The following PPP4R4 variants were observed in gnomAD, a reference collection of about 807,000 sequenced individuals.
PPP4R4 encodes serine/threonine-protein phosphatase 4 regulatory subunit 4.
In PPP4R4, 70 loss-of-function variants were observed where a neutral mutation model predicts 121.8. The ratio of observed to expected loss-of-function variants is 0.57; its 90% CI spans 0.47 to 0.70. The LOEUF (loss-of-function observed/expected upper bound fraction) is 0.70. Ranked by LOEUF, PPP4R4 falls within the 30% of genes least tolerant of loss-of-function variation. PPP4R4 has a pLI of 0.00. For synonymous variants in PPP4R4, 348 were observed against 355.7 expected (o/e 0.98, Z 0.24); for missense variants, 875 against 1,033.6 (o/e 0.85, Z 2.10).
rs1461765257 is a variant in PPP4R4, at chr14:94,191,392, T to C, written c.191+15265T>C. Among the ~76,000 whole-genome samples, 3 of 152,306 alleles carry C rather than the reference T, an allele frequency of 2.0e-5. No homozygotes were observed. The East Asian group carries it at 5.8e-4, about 29-fold the overall frequency. ...AGTTGACATGTAGTAATTGTATGTA[T>C]TTATGGGATACAGAGCATATTTCAA... On this transcript the variant is annotated intron_variant, in intron 2 of 24. Coordinates refer to ENST00000304338, the MANE Select transcript of PPP4R4 (RefSeq NM_058237.2).
chr14:94,188,721 T>A (rs1889430103), intron 2 of PPP4R4, among the ~76,000 whole-genome samples: 1 of 152,166 alleles, frequency 6.6e-6, no homozygotes, highest in Non-Finnish European at 1.5e-5. Flanking sequence ...AGAGAGTAGA[T>A]CTTAAGTATT....
intron 16 of PPP4R4, among the ~76,000 whole-genome samples, chr14:94,254,124 G>A (rs1893335597): frequency 6.6e-6 from 1 of 152,184 alleles, no homozygotes; most frequent in Non-Finnish European, 1.5e-5. Context: ...TCTGAAAGGT[G>A]TGGTCCCTAA....
intron 2 of PPP4R4, among the ~76,000 whole-genome samples, chr14:94,187,900 CA>C (rs886837152): frequency 1.3e-5 from 2 of 152,030 alleles, no homozygotes; most frequent in African/African-American, 4.8e-5. Context: ...TTCATCATAT[CA>C]GGGGGTTCAT....
chr14:94,236,297 A>G (rs566809103), intron 7 of PPP4R4, among the ~76,000 whole-genome samples: 4 of 152,352 alleles, frequency 2.6e-5, no homozygotes, highest in Middle Eastern at 3.4e-3. Context: ...AACTTTTACT[A>G]TAGAGATGAA....
chr14:94,278,787 T>G lies in PPP4R4; in HGVS notation c.*144T>G, dbSNP rs1393153496. ...TTGTTAATGAGCAGAAAGAGAGACA[T>G]AATGACAGCTGATGTTAAACTTTTC... On this transcript the variant is annotated 3_prime_UTR_variant, in exon 25 of 25. Coordinates refer to ENST00000304338, the MANE Select transcript of PPP4R4 (RefSeq NM_058237.2). 4 of 642,206 alleles carry G rather than the reference T, an allele frequency of 6.2e-6. No individual in the cohort carries two copies. In the African/African-American group the frequency reaches 7.5e-5, roughly 12 times the overall value. The allele number at this position is 642,206 out of a possible 1,614,324, so 39.8% of individuals were successfully genotyped here.
intron 19 of PPP4R4, among the ~76,000 whole-genome samples, chr14:94,262,557 C>A (rs898716267): frequency 6.6e-6 from 1 of 151,982 alleles, no homozygotes; most frequent in Non-Finnish European, 1.5e-5. Flanking sequence ...CTCCTCCACA[C>A]CCATTCTTCA....
intron 17 of PPP4R4, 78 bp downstream of exon 17, chr14:94,256,682 A>AT (rs1893489004): frequency 7.6e-7 from 1 of 1,321,836 alleles, no homozygotes; most frequent in Non-Finnish European, 1.0e-6. Context: ...TTTCAGCTTG[A>AT]CAGGATAGCA....
intron 2 of PPP4R4, among the ~76,000 whole-genome samples, chr14:94,185,369 A>G (rs945165739): frequency 6.6e-6 from 1 of 152,136 alleles, no homozygotes; most frequent in African/African-American, 2.4e-5. Context: ...TTATCCAGGA[A>G]TGGTGGCTTG....
intron 23 of PPP4R4, among the ~76,000 whole-genome samples, chr14:94,272,958 T>C (rs1894418729): frequency 6.6e-6 from 1 of 152,196 alleles, no homozygotes; most frequent in African/African-American, 2.4e-5. Context: ...GACACACCTA[T>C]TAGAATGGTC....
Position 94,174,470 on chromosome 14 carries a change from A to C in PPP4R4, c.5A>C (p.His2Pro). 6.2e-7 allele frequency: 1 copy of C among 1,602,028 alleles called. No individual in the cohort carries two copies. The highest frequency in any genetic ancestry group is 8.5e-7 in the Non-Finnish European group (1 of 1,175,518). MHPPPPAAAMDF... is the reference protein window; with the variant it reads MPPPPPAAAMDF... Reference sequence around the variant, plus strand: ...GGCGAGAGTGCCCGGCGGTCCATGCATCCGCCGCCGCCCGCCGCCGCGATG... The same window carrying C: ...GGCGAGAGTGCCCGGCGGTCCATGCCTCCGCCGCCGCCCGCCGCCGCGATG... Residue 2 changes from histidine (H) to proline (P), a missense_variant, in exon 1 of 25, where the codon CAT (histidine) becomes CCT (proline). His to Pro is a moderately conservative substitution (Grantham distance 77, BLOSUM62 -2). Transcript: ENST00000304338.
intron 2 of PPP4R4, among the ~76,000 whole-genome samples, chr14:94,180,994 A>G (rs1404462269): frequency 6.6e-6 from 1 of 152,164 alleles, no homozygotes. Flanking sequence ...TGAGACAGTA[A>G]GGAAGAACTC....
At chr14:94,240,572 A>G (rs187535394) in intron 8 of PPP4R4, 101 bp from the exon 9 acceptor site, 2 of 1,286,994 alleles carry the variant, frequency 1.6e-6, no homozygotes, top group Admixed American at 2.8e-5. Flanking sequence ...TGAGGCTAAC[A>G]TAGTAATTTT....
intron 2 of PPP4R4, among the ~76,000 whole-genome samples, chr14:94,193,208 A>G (rs779892229): frequency 6.6e-6 from 1 of 152,110 alleles, no homozygotes; most frequent in African/African-American, 2.4e-5. Context: ...GCAAAGTTAC[A>G]CAGTTTTCTC....
chr14:94,256,249 G>A (rs776113503), intron 16 of PPP4R4, among the ~76,000 whole-genome samples: 1 of 152,136 alleles, frequency 6.6e-6, no homozygotes, highest in Non-Finnish European at 1.5e-5. Flanking sequence ...TAGAATGTAA[G>A]TTCCAGGAGA....
rs193287033 is a variant in PPP4R4 at position 94,235,485 on chromosome 14, C to T, written c.731+816C>T. Among the ~76,000 whole-genome samples the T allele has an allele frequency of 4.0e-3, 597 of 149,744 alleles. 5 individuals are homozygous for T. Among genetic ancestry groups the T allele is most frequent in the African/African-American group, 0.014 (581 of 40,510 alleles). On this transcript the variant is annotated intron_variant, in intron 7 of 24. Transcript: ENST00000304338. ...CGCGATCTCGGCTCACTGCAAGCTC[C>T]GCCTCCCAGGTTCATGCCATTCTCC...
At chr14:94,183,742 C>T (rs1421433490) in intron 2 of PPP4R4, among the ~76,000 whole-genome samples, 8 of 151,980 alleles carry the variant, frequency 5.3e-5, no homozygotes, top group East Asian at 3.9e-4. Flanking sequence ...CCTCTGAAAG[C>T]GTAATAACAT....
chr14:94,237,041 A>G (rs1892383871), intron 7 of PPP4R4, among the ~76,000 whole-genome samples: 1 of 152,092 alleles, frequency 6.6e-6, no homozygotes, highest in Non-Finnish European at 1.5e-5. Context: ...AATATTGTAT[A>G]CTCCCTAAAA....
chr14:94,199,889 C>T (rs1315274721), intron 2 of PPP4R4, among the ~76,000 whole-genome samples: 1 of 152,102 alleles, frequency 6.6e-6, no homozygotes, highest in Non-Finnish European at 1.5e-5. Context: ...GCGTCTCTGC[C>T]TGCTAGGGTC....
At chr14:94,181,326 A>T (rs1888981632) in intron 2 of PPP4R4, among the ~76,000 whole-genome samples, 1 of 152,064 alleles carries the variant, frequency 6.6e-6, no homozygotes, top group African/African-American at 2.4e-5. Context: ...GGTGGTCTTG[A>T]GTGACCAGTA....
Sources: allele counts gnomAD v4.1 joint callset (sites outside exome capture counted in the v4.1 genomes callset), GRCh38; gene constraint gnomAD v4.1.1; transcripts MANE v1.5; gene names NCBI Gene and HGNC (gene_info 2026-07-23, HGNC 2026-07-21).